Variants in USH2A observed in about 807,000 individuals in gnomAD.
USH2A encodes the protein usherin.
In USH2A, 443 loss-of-function variants were observed where a neutral mutation model predicts 538.9. That is an observed-to-expected ratio of 0.82 (90% CI 0.76 to 0.89). The LOEUF is 0.89. Among genes scored for constraint, USH2A ranks in the 40% least tolerant of loss-of-function variants. USH2A has a pLI of 0.00. For missense variants in USH2A, 6,633 were observed against 6,324.8 expected (o/e 1.05, Z -1.65); for synonymous variants, 2,413 against 2,273.5 (o/e 1.06, Z -1.75).
At chr1:216,048,383 C>A (rs2030610304) in intron 31 of USH2A, 151 bp downstream of exon 31, 3 of 776,420 alleles carry the variant, frequency 3.9e-6, no homozygotes, top group African/African-American at 3.4e-5. Context: ...CGCACCCCCC[C>A]AAAAAATGGA....
chr1:216,279,510 A>C (rs554529864), intron 11 of USH2A, among the ~76,000 whole-genome samples: 1 of 152,258 alleles, frequency 6.6e-6, no homozygotes, highest in Admixed American at 6.5e-5. Flanking sequence ...CTTGGTTATC[A>C]AAAAGTGGTT....
intron 15 of USH2A, among the ~76,000 whole-genome samples, chr1:216,209,446 T>C (rs1315161929): frequency 6.6e-6 from 1 of 152,112 alleles, no homozygotes; most frequent in African/African-American, 2.4e-5. Flanking sequence ...AGTGGAAAAG[T>C]AGGGAACAGT....
intron 21 of USH2A, among the ~76,000 whole-genome samples, chr1:216,120,014 C>A (rs958680806): frequency 6.6e-6 from 1 of 151,732 alleles, no homozygotes; most frequent in African/African-American, 2.4e-5. Context: ...AGAATAAAAT[C>A]ATAAACATTT....
chr1:216,073,319 T>A lies in USH2A; in HGVS notation c.5573-19A>T. On this transcript the variant is annotated intron_variant, in intron 27 of 71. Transcript: ENST00000307340. ...CCGAAACCTAGCAAATAGTAAGGGA[T>A]TAGTATCGCATAAAGGGCTTGAGTC... The A allele has an allele frequency of 6.4e-7, 1 of 1,557,464 alleles. No individual in the cohort carries two copies. Among genetic ancestry groups the A allele is most frequent in the Non-Finnish European group, 8.6e-7 (1 of 1,159,100 alleles).
At position 216,246,853 on chromosome 1, in the gene USH2A, G is replaced by T. The variant is rs727503736; in HGVS notation, c.2541C>A (p.Cys847Ter). 1 of 1,614,012 alleles carries T rather than the reference G, an allele frequency of 6.2e-7. No individual in the cohort carries two copies. The highest frequency in any genetic ancestry group is 1.3e-5 in the African/African-American group (1 of 74,930). Residue 847 changes from cysteine (C) to a stop codon, truncating the protein, a stop_gained, in exon 13 of 72, where the codon TGC (cysteine) becomes TGA (stop). Transcript: ENST00000307340. LOFTEE classifies it high-confidence loss of function. ...TTATTGTCCCAGTCTTATCACAGTT[G>T]CAAGGCAGACAGAGGAAAGAATTAT... ...RQNNSFLCLP[C>*]NCDKTGTING...
At chr1:215,685,799 T>A (rs1273366314) in intron 61 of USH2A, among the ~76,000 whole-genome samples, 1 of 152,170 alleles carries the variant, frequency 6.6e-6, no homozygotes, top group African/African-American at 2.4e-5. Context: ...CAGAACATTT[T>A]CACCAACTTC....
At chr1:216,226,147 C>A (rs777470111) in intron 14 of USH2A, among the ~76,000 whole-genome samples, 3 of 152,072 alleles carry the variant, frequency 2.0e-5, no homozygotes, top group Non-Finnish European at 4.4e-5. Context: ...TCATGAGAAG[C>A]AATCATAAAT....
At chr1:215,629,719 G>A (rs1656193972) in intron 70 of USH2A, among the ~76,000 whole-genome samples, 1 of 151,090 alleles carries the variant, frequency 6.6e-6, no homozygotes, top group Admixed American at 6.6e-5. Context: ...ATATCTGAGG[G>A]CTCTGATTTA....
chr1:216,168,823 G>A (rs2034220614), intron 21 of USH2A, among the ~76,000 whole-genome samples: 1 of 151,922 alleles, frequency 6.6e-6, no homozygotes, highest in Non-Finnish European at 1.5e-5. Context: ...TGATCTTGTG[G>A]TCCTCACCCA....
At chr1:215,812,977 A>T (rs1234751029) in intron 49 of USH2A, among the ~76,000 whole-genome samples, 1 of 152,176 alleles carries the variant, frequency 6.6e-6, no homozygotes, top group Admixed American at 6.6e-5. Context: ...TCCTCTCTAA[A>T]ACAGTTTCCT....
Position 215,650,903 on chromosome 1 carries a change from C to G in USH2A, c.14134-102G>C, listed in dbSNP as rs372669420. 126 of 1,209,880 alleles carry G rather than the reference C, an allele frequency of 1.0e-4. No individual in the cohort carries two copies. The African/African-American group carries it at 1.7e-3, about 17-fold the overall frequency. The allele number at this position is 1,209,880 out of a possible 1,614,324, so 74.9% of individuals were successfully genotyped here. On this transcript the variant is annotated intron_variant, in intron 64 of 71. Transcript: ENST00000307340. Reference sequence around the variant, plus strand: ...AAAAAACGAAATTGGCAACCAAAAGCAACTAAACACAACAGGAAGAGATAA... The same window carrying G: ...AAAAAACGAAATTGGCAACCAAAAGGAACTAAACACAACAGGAAGAGATAA...
chr1:216,318,047 C>T (rs2037541314), intron 9 of USH2A, among the ~76,000 whole-genome samples: 1 of 152,098 alleles, frequency 6.6e-6, no homozygotes. Flanking sequence ...TGTGAACCTG[C>T]CCCTGAATTC....
At chr1:215,952,237 A>G (rs1666939414) in intron 37 of USH2A, among the ~76,000 whole-genome samples, 6 of 152,136 alleles carry the variant, frequency 3.9e-5, no homozygotes, top group Admixed American at 3.9e-4. Context: ...TGCTTGGTAG[A>G]TCTTCCTCCA....
At chr1:215,702,460 T>C (rs919644726) in intron 61 of USH2A, among the ~76,000 whole-genome samples, 1 of 152,152 alleles carries the variant, frequency 6.6e-6, no homozygotes, top group Non-Finnish European at 1.5e-5. Flanking sequence ...GTACACCAAT[T>C]AAATGTAGGT....
intron 12 of USH2A, 101 bp from the exon 13 acceptor site, chr1:216,247,327 T>C (rs2036072483): frequency 1.4e-6 from 2 of 1,443,656 alleles, no homozygotes; most frequent in South Asian, 2.4e-5. Context: ...GAACACAAAA[T>C]ATTGAGTGTT....
At chr1:215,870,885 T>C (rs1193231934) in intron 43 of USH2A, among the ~76,000 whole-genome samples, 2 of 152,136 alleles carry the variant, frequency 1.3e-5, no homozygotes, top group Admixed American at 6.6e-5. Flanking sequence ...AAAACAAAAA[T>C]GCTAGATCAA....
intron 37 of USH2A, among the ~76,000 whole-genome samples, chr1:215,955,337 G>A (rs138996811): frequency 1.6e-4 from 24 of 152,200 alleles, no homozygotes; most frequent in Admixed American, 3.3e-4. Context: ...ACCATCATTC[G>A]TATAAATTTA....
At chr1:215,844,562 T>C in intron 45 of USH2A, 66 bp from the exon 46 acceptor site, 1 of 1,537,184 alleles carries the variant, frequency 6.5e-7, no homozygotes, top group East Asian at 2.3e-5. Flanking sequence ...TTAAGCTAAA[T>C]GCAGATTAGT....
At chr1:216,086,595 G>C in intron 24 of USH2A, 124 bp downstream of exon 24, 1 of 788,018 alleles carries the variant, frequency 1.3e-6, no homozygotes, top group Non-Finnish European at 2.1e-6. Flanking sequence ...GGAAATTTTT[G>C]GCACATTAAT....
Sources: allele counts gnomAD v4.1 joint callset (sites outside exome capture counted in the v4.1 genomes callset), GRCh38; gene constraint gnomAD v4.1.1; transcripts MANE v1.5; gene names NCBI Gene and HGNC (gene_info 2026-07-23, HGNC 2026-07-21).